Variants in LDLRAD3 observed in about 807,000 individuals in gnomAD.
LDLRAD3 encodes low-density lipoprotein receptor class A domain-containing protein 3.
In LDLRAD3, 20 loss-of-function variants were observed where a neutral mutation model predicts 29.4. That is an observed-to-expected ratio of 0.68 (90% CI 0.48 to 0.99). The LOEUF is 0.99. Ranked by LOEUF, LDLRAD3 falls within the 50% of genes least tolerant of loss-of-function variation. The pLI is 0.00. For missense variants in LDLRAD3, 420 were observed against 454.3 expected, an observed-to-expected ratio of 0.92 and a Z score of 0.69; for synonymous variants, 157 against 192.7, an observed-to-expected ratio of 0.81 and a Z score of 1.53.
chr11:36,000,721 T>C (rs1490487135), intron 1 of LDLRAD3, among the ~76,000 whole-genome samples: 1 of 152,116 alleles, frequency 6.6e-6, no homozygotes, highest in African/African-American at 2.4e-5. Context: ...ACCTTGGTCA[T>C]GCAGGCCATG....
intron 1 of LDLRAD3, among the ~76,000 whole-genome samples, chr11:35,959,521 C>T (rs907475668): frequency 2.6e-5 from 4 of 152,002 alleles, no homozygotes; most frequent in African/African-American, 9.7e-5. Context: ...TTGAATCTTC[C>T]GAATAGCGTA....
intron 4 of LDLRAD3, among the ~76,000 whole-genome samples, chr11:36,188,033 G>A (rs1854879270): frequency 6.6e-6 from 1 of 152,130 alleles, no homozygotes; most frequent in Non-Finnish European, 1.5e-5. Context: ...GACTACAAAT[G>A]ATACCAAGGA....
chr11:36,031,970 T>G (rs746451213), intron 1 of LDLRAD3, among the ~76,000 whole-genome samples: 25 of 152,196 alleles, frequency 1.6e-4, no homozygotes, highest in Non-Finnish European at 3.4e-4. Flanking sequence ...GGTGCAGGAT[T>G]AGCGTCCTCT....
At chr11:36,098,652 C>T (rs1218478155) in intron 4 of LDLRAD3, among the ~76,000 whole-genome samples, 191 bp downstream of exon 4, 1 of 152,214 alleles carries the variant, frequency 6.6e-6, no homozygotes, top group Non-Finnish European at 1.5e-5. Flanking sequence ...ACACACCTAC[C>T]ATTTTGAATT....
At chr11:36,203,061 T>C (rs999008540) in intron 4 of LDLRAD3, among the ~76,000 whole-genome samples, 1 of 151,164 alleles carries the variant, frequency 6.6e-6, no homozygotes, top group Middle Eastern at 3.4e-3. Flanking sequence ...CTTAGCCTCC[T>C]GAGTAGCTAG....
At position 35,995,162 on chromosome 11, in the gene LDLRAD3, A is replaced by G. The variant is rs563948025; in HGVS notation, c.47-40941A>G. ...GCCCATATCCATCAAAGGAATCAGT[A>G]TCAATGGCAGATATAGCCTTAAAAA... On this transcript the variant is annotated intron_variant, in intron 1 of 5. Transcript: ENST00000315571. Among the ~76,000 whole-genome samples the G allele has an allele frequency of 5.3e-5, 8 of 152,376 alleles. No individual in the cohort carries two copies. In the South Asian group the frequency reaches 1.7e-3, roughly 32 times the overall value.
chr11:35,987,279 C>T (rs190725158), intron 1 of LDLRAD3, among the ~76,000 whole-genome samples: 1 of 152,234 alleles, frequency 6.6e-6, no homozygotes, highest in East Asian at 1.9e-4. Flanking sequence ...GTTTTAGATA[C>T]AGGGGATACC....
intron 2 of LDLRAD3, among the ~76,000 whole-genome samples, chr11:36,067,269 GATA>G (rs1433299238): frequency 3.9e-5 from 6 of 151,988 alleles, no homozygotes; most frequent in African/African-American, 1.2e-4. Context: ...TGTCTGAAAT[GATA>G]ATAATAATAA....
intron 4 of LDLRAD3, among the ~76,000 whole-genome samples, chr11:36,210,570 G>C (rs1311441503): frequency 6.6e-6 from 1 of 152,072 alleles, no homozygotes; most frequent in Non-Finnish European, 1.5e-5. Context: ...CGGGTTCAGT[G>C]ACCCACTGCC....
intron 2 of LDLRAD3, among the ~76,000 whole-genome samples, chr11:36,054,205 T>C (rs1283852176): frequency 6.6e-6 from 1 of 152,220 alleles, no homozygotes; most frequent in African/African-American, 2.4e-5. Context: ...CAGATTTGTG[T>C]CATCACTTAA....
chr11:36,099,892 T>C (rs922353839), intron 4 of LDLRAD3, among the ~76,000 whole-genome samples: 2 of 152,162 alleles, frequency 1.3e-5, no homozygotes, highest in Non-Finnish European at 2.9e-5. Flanking sequence ...AGGCGAGTCT[T>C]GGATAGAATT....
chr11:35,978,602 T>G (rs191594392), intron 1 of LDLRAD3, among the ~76,000 whole-genome samples: 1 of 152,322 alleles, frequency 6.6e-6, no homozygotes, highest in African/African-American at 2.4e-5. Context: ...CCCCTCTATG[T>G]GTCAGTCCTG....
intron 1 of LDLRAD3, among the ~76,000 whole-genome samples, chr11:35,950,414 T>G (rs1203416047): frequency 6.6e-6 from 1 of 152,218 alleles, no homozygotes; most frequent in Non-Finnish European, 1.5e-5. Context: ...GCTCTGTGAC[T>G]TTTCTAGCTC....
chr11:35,990,691 C>T (rs866900220), intron 1 of LDLRAD3, among the ~76,000 whole-genome samples: 4 of 151,998 alleles, frequency 2.6e-5, no homozygotes, highest in African/African-American at 9.7e-5. Context: ...GCTGGGATTA[C>T]AGGTGTAAGC....
At chr11:36,108,086 A>C (rs927074710) in intron 4 of LDLRAD3, among the ~76,000 whole-genome samples, 1 of 152,070 alleles carries the variant, frequency 6.6e-6, no homozygotes, top group Non-Finnish European at 1.5e-5. Context: ...CGAGGTGGGC[A>C]GATCACGAGG....
At chr11:36,093,630 G>C (rs1853316444) in intron 3 of LDLRAD3, among the ~76,000 whole-genome samples, 1 of 152,152 alleles carries the variant, frequency 6.6e-6, no homozygotes, top group African/African-American at 2.4e-5. Context: ...TGCACCCCAG[G>C]TCTGCTGCTG....
chr11:36,201,475 T>G (rs1855126005), intron 4 of LDLRAD3, among the ~76,000 whole-genome samples: 1 of 152,232 alleles, frequency 6.6e-6, no homozygotes, highest in African/African-American at 2.4e-5. Context: ...TTTTTGTATC[T>G]TTTAAATTAA....
intron 2 of LDLRAD3, among the ~76,000 whole-genome samples, chr11:36,066,219 A>G (rs1381045281): frequency 6.7e-6 from 1 of 148,404 alleles, no homozygotes; most frequent in Non-Finnish European, 1.5e-5. Context: ...CTTAGATATC[A>G]CCTTTCATGC....
At chr11:36,002,318 C>T (rs181986670) in intron 1 of LDLRAD3, among the ~76,000 whole-genome samples, 24 of 152,330 alleles carry the variant, frequency 1.6e-4, no homozygotes, top group Admixed American at 9.8e-4. Context: ...AGTTGAATGG[C>T]TTGCAGCAGA....
Sources: allele counts gnomAD v4.1 joint callset (sites outside exome capture counted in the v4.1 genomes callset), GRCh38; gene constraint gnomAD v4.1.1; transcripts MANE v1.5; gene names NCBI Gene and HGNC (gene_info 2026-07-23, HGNC 2026-07-21).